HSPA14: variants seen among roughly 807,000 people sequenced by gnomAD.
The protein encoded by HSPA14 is heat shock 70 kDa protein 14.
A neutral mutation model predicts 65.5 loss-of-function variants in HSPA14; 37 were observed. The observed-to-expected ratio is 0.56, with a 90% CI of 0.43 to 0.74. HSPA14 has a LOEUF of 0.74. Ranked by LOEUF, HSPA14 falls within the 30% of genes least tolerant of loss-of-function variation. The pLI is 0.00. For synonymous variants in HSPA14, 203 were observed against 214.2 expected (o/e 0.95, Z 0.46); for missense variants, 564 against 607.6 (o/e 0.93, Z 0.75).
chr10:14,859,995 C>T (rs1480501963), intron 10 of HSPA14, among the ~76,000 whole-genome samples: 1 of 152,142 alleles, frequency 6.6e-6, no homozygotes, highest in Non-Finnish European at 1.5e-5. Context: ...TTCCTAATCA[C>T]AAAGTTGGTA....
rs370606623 is a variant in HSPA14 at position 14,859,288 on chromosome 10, T to C, written c.993+3345T>C. On this transcript the variant is annotated intron_variant, in intron 10 of 13. Transcript: ENST00000378372. ...GTGCAGCCACTCCACACGTGTGCTTTCCAGCCCTTGTGTTTTCACTTCTGT... is the reference window on the plus strand; with the variant it reads ...GTGCAGCCACTCCACACGTGTGCTTCCCAGCCCTTGTGTTTTCACTTCTGT... Among the ~76,000 whole-genome samples the C allele has an allele frequency of 3.2e-4, 49 of 152,286 alleles. No homozygotes were observed. In the South Asian group the frequency reaches 6.0e-3, roughly 19 times the overall value.
chr10:14,848,710 G>A (rs1341379957), intron 4 of HSPA14, 53 bp downstream of exon 4: 6 of 1,474,172 alleles, frequency 4.1e-6, no homozygotes, highest in Non-Finnish European at 5.6e-6. Flanking sequence ...TTACCAAGGT[G>A]ATAACATGGA....
intron 12 of HSPA14, among the ~76,000 whole-genome samples, chr10:14,868,881 C>T (rs931374152): frequency 3.9e-5 from 6 of 152,180 alleles, no homozygotes; most frequent in Admixed American, 1.3e-4. Context: ...GAGTCTCGCT[C>T]TCTTGCCCAG....
intron 3 of HSPA14, chr10:14,847,131 CA>C: frequency 1.7e-6 from 1 of 589,318 alleles, no homozygotes; most frequent in Non-Finnish European, 2.1e-6. Context: ...TTTCTGTCTT[CA>C]GAGGAGAGCG....
At chr10:14,844,912 C>T in intron 3 of HSPA14, 5 of 985,380 alleles carry the variant, frequency 5.1e-6, no homozygotes, top group South Asian at 4.7e-5. Context: ...AGGGCAAGCC[C>T]TAGAAACGTT....
chr10:14,844,094 G>A (rs1486219375), intron 3 of HSPA14: 4 of 1,406,302 alleles, frequency 2.8e-6, no homozygotes, highest in East Asian at 2.7e-5. Flanking sequence ...AAATGCCAGG[G>A]GTGACCTAAT....
chr10:14,869,232 CGTGTGTGTGTGTGTGTGT>C lies in HSPA14; in HGVS notation c.1380+1338_1381-1333del, dbSNP rs68155495. On this transcript the variant is annotated intron_variant, in intron 12 of 13. Transcript: ENST00000378372. Reference sequence around the variant, plus strand: ...ATGAGATATTGTGTGTGTACGTGTACGTGTGTGTGTGTGTGTGTGTGTGTGTGTGTGTAAAGAGATACA... The same window carrying C: ...ATGAGATATTGTGTGTGTACGTGTACGTGTGTGTGTGTGTAAAGAGATACA... Among the ~76,000 whole-genome samples the C allele has an allele frequency of 6.7e-4, 97 of 144,822 alleles. 1 individual carries two copies. The highest frequency in any genetic ancestry group is 2.4e-3 in the African/African-American group (95 of 39,736).
chr10:14,850,989 T>C (rs1834104540), intron 6 of HSPA14: 1 of 371,730 alleles, frequency 2.7e-6, no homozygotes, highest in Non-Finnish European at 4.8e-6. Context: ...TGCTTTTTGC[T>C]TTCTTTGTGA....
Position 14,870,039 on chromosome 10 carries a change from C to A in HSPA14, c.1381-558C>A, listed in dbSNP as rs117136798. The stretch of plus-strand genomic sequence containing the variant: ...AGTTTGGCAAAGCCTAAAGTCACTG[C>A]AGAACTCCAAATCTGGTTTCTTGAT... On this transcript the variant is annotated intron_variant, in intron 12 of 13. Transcript: ENST00000378372. Among the ~76,000 whole-genome samples the A allele has an allele frequency of 2.9e-3, 449 of 152,322 alleles. 3 individuals are homozygous for A. Among genetic ancestry groups the A allele is most frequent in the Non-Finnish European group, 5.4e-3 (365 of 68,022 alleles).
intron 5 of HSPA14, 101 bp downstream of exon 5, chr10:14,848,996 G>C: frequency 1.6e-6 from 1 of 640,982 alleles, no homozygotes. Flanking sequence ...GAGAAGCAGA[G>C]TGATTGCACA....
At chr10:14,853,689 G>A (rs1194989305) in intron 8 of HSPA14, among the ~76,000 whole-genome samples, 2 of 152,154 alleles carry the variant, frequency 1.3e-5, no homozygotes, top group African/African-American at 4.8e-5. Flanking sequence ...ACTAAAATCC[G>A]GAATAAAATA....
intron 10 of HSPA14, among the ~76,000 whole-genome samples, chr10:14,863,417 C>T (rs1337623129): frequency 6.6e-6 from 1 of 152,164 alleles, no homozygotes; most frequent in Admixed American, 6.5e-5. Flanking sequence ...CTGTCAGTGG[C>T]CTCTTCAGGA....
At chr10:14,870,144 CAA>C (rs1029899578) in intron 12 of HSPA14, among the ~76,000 whole-genome samples, 6 of 151,740 alleles carry the variant, frequency 4.0e-5, no homozygotes, top group East Asian at 1.9e-4. Flanking sequence ...CTTAGTTGTA[CAA>C]AAGAGTTTGC....
Position 14,855,899 on chromosome 10 carries a change from G to C in HSPA14, c.949G>C (p.Gly317Arg), listed in dbSNP as rs1387243531. Reference sequence around the variant, plus strand: ...TAATAAGTGTATAGAAGCAATCAGAGGACTCTTAGATCAAAATGGATTTAC... The same window carrying C: ...TAATAAGTGTATAGAAGCAATCAGACGACTCTTAGATCAAAATGGATTTAC... ...LFNKCIEAIR[G>R]LLDQNGFTAD... Residue 317 changes from glycine (G) to arginine (R), a missense_variant, in exon 10 of 14, where the codon GGA becomes CGA. By Grantham distance (125) the Gly-to-Arg change is moderately radical. Transcript: ENST00000378372. 3.1e-6 allele frequency: 5 copies of C among 1,608,748 alleles called. No homozygotes were observed. In the East Asian group the frequency reaches 1.1e-4, roughly 36 times the overall value.
At chr10:14,849,838 G>T in intron 6 of HSPA14, 27 bp downstream of exon 6, 1 of 1,396,316 alleles carries the variant, frequency 7.2e-7, no homozygotes, top group Non-Finnish European at 1.0e-6. Context: ...TATCTTACTG[G>T]CTTAATTAAA....
intron 10 of HSPA14, among the ~76,000 whole-genome samples, chr10:14,866,715 C>G (rs548399023): frequency 6.6e-6 from 1 of 151,794 alleles, no homozygotes; most frequent in Admixed American, 6.6e-5. Context: ...AAGATTCAAA[C>G]TTTTAAAAAA....
Position 14,838,315 on chromosome 10 carries a change from C to T in HSPA14, c.-88C>T. 7.4e-7 allele frequency: 1 copy of T among 1,347,520 alleles called. No individual in the cohort carries two copies. The highest frequency in any genetic ancestry group is 2.5e-5 in the East Asian group (1 of 40,272). The allele number at this position is 1,347,520 out of a possible 1,614,324, so 83.5% of individuals were successfully genotyped here. The stretch of plus-strand genomic sequence containing the variant: ...GGGGGCTGGCGGGAACGTGAAGCTC[C>T]GCGGTGCCTGATGGGGCCGTTGGGC... On this transcript the variant is annotated 5_prime_UTR_variant, in exon 1 of 14. Transcript: ENST00000378372.
Position 14,871,529 on chromosome 10 carries a change from GATGGATCTTTAC to G in HSPA14, c.1457_1468del (p.Gly486_His489del), listed in dbSNP as rs1832854637. On this transcript the variant is annotated inframe_deletion and splice_region_variant, in exon 14 of 14. Coordinates refer to ENST00000378372, the MANE Select transcript of HSPA14 (RefSeq NM_016299.4). ...TTCTTTATTTTTTTGTCTGTTTAGG[GATGGATCTTTAC>G]ATGTGACATGCACAGATCAAGAAAC... 6.4e-7 allele frequency: 1 copy of G among 1,571,110 alleles called. No individual in the cohort carries two copies. The highest frequency in any genetic ancestry group is 1.1e-5 in the South Asian group (1 of 87,628).
Position 14,863,555 on chromosome 10 carries a change from A to C in HSPA14, c.994-3528A>C, listed in dbSNP as rs115204078. ...CAGTCCTGTCCCCTAACCCAGGCTTAGTCCTTTTCTAATGTTTCCTCTCCC... is the reference window on the plus strand; with the variant it reads ...CAGTCCTGTCCCCTAACCCAGGCTTCGTCCTTTTCTAATGTTTCCTCTCCC... On this transcript the variant is annotated intron_variant, in intron 10 of 13. Coordinates refer to ENST00000378372, the MANE Select transcript of HSPA14 (RefSeq NM_016299.4). Among the ~76,000 whole-genome samples, 323 of 152,304 alleles carry C rather than the reference A, an allele frequency of 2.1e-3. 1 individual carries two copies. The highest frequency in any genetic ancestry group is 7.6e-3 in the African/African-American group (317 of 41,562).
Sources: gnomAD v4.1 joint callset for allele counts (sites outside exome capture counted in the v4.1 genomes callset) on GRCh38, gnomAD v4.1.1 for gene constraint, MANE v1.5 for transcripts, NCBI Gene and HGNC (gene_info 2026-07-23, HGNC 2026-07-21) for gene names.